Variants in FSTL5 observed in about 807,000 individuals in gnomAD.
FSTL5 encodes the protein follistatin-related protein 5.
A neutral mutation model predicts 89.1 loss-of-function variants in FSTL5; 62 were observed. The ratio of observed to expected loss-of-function variants is 0.70; its 90% CI spans 0.57 to 0.86. The LOEUF (loss-of-function observed/expected upper bound fraction) is 0.86, where lower values mean the gene tolerates loss of function less well. Among genes scored for constraint, FSTL5 ranks in the 40% least tolerant of loss-of-function variants. FSTL5 has a pLI of 0.00. For missense variants in FSTL5, 1,057 were observed against 1,001.6 expected (o/e 1.06, Z -0.75); for synonymous variants, 383 against 346.2 (o/e 1.11, Z -1.18).
At chr4:162,070,188 C>A (rs1320280931) in intron 2 of FSTL5, among the ~76,000 whole-genome samples, 1 of 151,762 alleles carries the variant, frequency 6.6e-6, no homozygotes, top group Non-Finnish European at 1.5e-5. Context: ...CCTTTGCCCA[C>A]TTTTTAATGG....
At chr4:161,618,076 T>C (rs983601662) in intron 7 of FSTL5, among the ~76,000 whole-genome samples, 2 of 151,458 alleles carry the variant, frequency 1.3e-5, no homozygotes, top group Non-Finnish European at 2.9e-5. Flanking sequence ...TTTTATTCTC[T>C]TTGAAGCAAT....
At chr4:161,996,763 G>T (rs2111093375) in intron 3 of FSTL5, among the ~76,000 whole-genome samples, 1 of 152,210 alleles carries the variant, frequency 6.6e-6, no homozygotes, top group Non-Finnish European at 1.5e-5. Flanking sequence ...AACAGTTATT[G>T]CTCTATGTAG....
chr4:161,550,512 CT>C (rs201045373), intron 8 of FSTL5, among the ~76,000 whole-genome samples: 31 of 150,646 alleles, frequency 2.1e-4, no homozygotes, highest in African/African-American at 6.1e-4. Flanking sequence ...AAACAAATAA[CT>C]TTTTTTTGTA....
intron 4 of FSTL5, among the ~76,000 whole-genome samples, chr4:161,862,988 C>T (rs776898104): frequency 2.0e-5 from 3 of 152,086 alleles, no homozygotes; most frequent in East Asian, 3.8e-4. Flanking sequence ...ATCAAATTGG[C>T]TACAAATAAT....
intron 15 of FSTL5, among the ~76,000 whole-genome samples, chr4:161,393,624 T>C (rs186916194): frequency 3.5e-4 from 53 of 152,230 alleles, no homozygotes; most frequent in African/African-American, 1.2e-3. Context: ...CAAATTCTAA[T>C]TGGAATAAAT....
intron 4 of FSTL5, among the ~76,000 whole-genome samples, chr4:161,913,310 G>A (rs1158421400): frequency 6.6e-6 from 1 of 152,120 alleles, no homozygotes; most frequent in Non-Finnish European, 1.5e-5. Context: ...GGCCCAGGAA[G>A]AAAAAGTGGT....
chr4:161,470,203 T>G (rs1226355779), intron 13 of FSTL5, among the ~76,000 whole-genome samples: 1 of 152,158 alleles, frequency 6.6e-6, no homozygotes, highest in Non-Finnish European at 1.5e-5. Context: ...TTTTTTGCTC[T>G]TTCGTCTAAC....
rs1732257486 is a variant in FSTL5 at position 161,552,711 on chromosome 4, G to T, written c.1016-10018C>A. 3 of 151,658 alleles carry T rather than the reference G, an allele frequency of 2.0e-5. No individual in the cohort carries two copies. The South Asian group carries it at 6.2e-4, about 31-fold the overall frequency. 9.4% of individuals were successfully genotyped at this position (151,658 alleles called of 1,614,324 possible). A position where few individuals can be genotyped will look rare whatever the true frequency, so the allele number is the denominator to read the frequency against. The stretch of plus-strand genomic sequence containing the variant: ...CATGTGTCTCACTTAGTTTATTGGT[G>T]TTAAATGATTTTCTGAAAAGTGTCT... On this transcript the variant is annotated intron_variant, in intron 8 of 15. Coordinates refer to ENST00000306100, the MANE Select transcript of FSTL5 (RefSeq NM_020116.5).
rs150860972 is a variant in FSTL5, at chr4:161,671,440, C to A, written c.728-14946G>T. On this transcript the variant is annotated intron_variant, in intron 6 of 15. Transcript: ENST00000306100. ...CTATATATGCGGAGCTGAGCAGTTG[C>A]CGCTAAGACCTACGGTATGCAAAGC... 6.0e-3 allele frequency among the ~76,000 whole-genome samples: 920 copies of A among 152,286 alleles called. 10 individuals are homozygous for A. The highest frequency in any genetic ancestry group is 0.046 in the South Asian group (221 of 4,826).
intron 8 of FSTL5, among the ~76,000 whole-genome samples, chr4:161,543,707 C>T (rs1731910704): frequency 6.6e-6 from 1 of 151,692 alleles, no homozygotes. Context: ...AAACCACATG[C>T]AAGAAAATAA....
intron 10 of FSTL5, among the ~76,000 whole-genome samples, chr4:161,524,520 T>C (rs1174727361): frequency 6.6e-6 from 1 of 152,148 alleles, no homozygotes; most frequent in Non-Finnish European, 1.5e-5. Flanking sequence ...AAAGCTTGTA[T>C]GTCTTTTCTA....
intron 15 of FSTL5, among the ~76,000 whole-genome samples, chr4:161,419,973 CAAA>C (rs1237856452): frequency 1.3e-5 from 2 of 152,126 alleles, no homozygotes; most frequent in Admixed American, 1.3e-4. Flanking sequence ...AATCAACAGG[CAAA>C]GAAGAGAGTT....
chr4:161,431,556 G>A (rs1237169619), intron 15 of FSTL5, among the ~76,000 whole-genome samples: 2 of 151,170 alleles, frequency 1.3e-5, no homozygotes, highest in Non-Finnish European at 3.0e-5. Flanking sequence ...AGAAGAAAGA[G>A]AAGACCACAA....
At chr4:161,602,402 C>T (rs1210283147) in intron 7 of FSTL5, among the ~76,000 whole-genome samples, 3 of 151,474 alleles carry the variant, frequency 2.0e-5, no homozygotes, top group Admixed American at 6.6e-5. Context: ...AACTGAAACA[C>T]AAAGGGCAAA....
intron 6 of FSTL5, among the ~76,000 whole-genome samples, chr4:161,723,183 A>C (rs1401444353): frequency 2.6e-5 from 4 of 152,176 alleles, no homozygotes; most frequent in African/African-American, 7.2e-5. Flanking sequence ...AGTTTTAGCT[A>C]AAAGTCAGGC....
At chr4:161,790,958 C>T (rs1729449676) in intron 4 of FSTL5, among the ~76,000 whole-genome samples, 1 of 150,600 alleles carries the variant, frequency 6.6e-6, no homozygotes. Flanking sequence ...GTATGTGGCT[C>T]ATGACCATGT....
chr4:161,856,662 G>A lies in FSTL5; in HGVS notation c.409+63742C>T, dbSNP rs201808478. On this transcript the variant is annotated intron_variant, in intron 4 of 15. Transcript: ENST00000306100. ...TTTATTTGCATACTTGTGTGTGTGTGTATATATATATATATAAATATGTAT... is the reference window on the plus strand; with the variant it reads ...TTTATTTGCATACTTGTGTGTGTGTATATATATATATATATAAATATGTAT... Among the ~76,000 whole-genome samples, 724 of 147,850 alleles carry A rather than the reference G, an allele frequency of 4.9e-3. 3 individuals carry two copies. The highest frequency in any genetic ancestry group is 0.015 in the African/African-American group (615 of 40,546).
intron 2 of FSTL5, among the ~76,000 whole-genome samples, chr4:162,101,584 T>A (rs1329968254): frequency 6.6e-6 from 1 of 152,130 alleles, no homozygotes; most frequent in East Asian, 1.9e-4. Flanking sequence ...TTGCCATCTG[T>A]ATTAGATTAA....
chr4:161,616,837 G>A (rs867667496), intron 7 of FSTL5, among the ~76,000 whole-genome samples: 2 of 151,212 alleles, frequency 1.3e-5, no homozygotes, highest in Middle Eastern at 3.2e-3. Flanking sequence ...TGCATATCCT[G>A]CACAGGTACC....
Sources: allele counts gnomAD v4.1 joint callset (sites outside exome capture counted in the v4.1 genomes callset), GRCh38; gene constraint gnomAD v4.1.1; transcripts MANE v1.5; gene names NCBI Gene and HGNC (gene_info 2026-07-23, HGNC 2026-07-21).